The following DENND1B variants were observed in gnomAD, a reference collection of about 807,000 sequenced individuals.
The protein encoded by DENND1B is DENN domain-containing protein 1B.
DENND1B carries 59 observed loss-of-function variants against 90.1 expected under a neutral mutation model. The ratio of observed to expected loss-of-function variants is 0.65; its 90% CI spans 0.53 to 0.81. The LOEUF (loss-of-function observed/expected upper bound fraction) is 0.81. Ranked by LOEUF, DENND1B falls within the 40% of genes least tolerant of loss-of-function variation. The probability of loss-of-function intolerance (pLI) is 0.00; values close to 1 mark genes in which losing one functional copy is unlikely to be tolerated. For missense variants in DENND1B, 862 were observed against 912.6 expected (o/e 0.94, Z 0.71); for synonymous variants, 337 against 324.6 (o/e 1.04, Z -0.41).
intron 15 of DENND1B, among the ~76,000 whole-genome samples, chr1:197,565,744 G>T (rs1672593400): frequency 6.7e-6 from 1 of 149,838 alleles, no homozygotes; most frequent in African/African-American, 2.5e-5. Flanking sequence ...GCAGTGTTTG[G>T]TTTTTTGTTC....
At chr1:197,720,776 T>G (rs182015682) in intron 2 of DENND1B, among the ~76,000 whole-genome samples, 1 of 152,226 alleles carries the variant, frequency 6.6e-6, no homozygotes, top group East Asian at 1.9e-4. Context: ...CAAAAAAGAA[T>G]AGTATGATAG....
chr1:197,772,902 C>T lies in DENND1B; in HGVS notation c.48G>A (p.Val16=), dbSNP rs1443243278. 3 of 1,551,980 alleles carry T rather than the reference C, an allele frequency of 1.9e-6. No homozygotes were observed. Among genetic ancestry groups the T allele is most frequent in the Non-Finnish European group, 2.6e-6 (3 of 1,147,016 alleles). The change falls in exon 2 of 23, where the codon GTG becomes GTA. Residue 16 remains valine (V), a synonymous_variant. Transcript: ENST00000620048. ...KANPDRTFDL[V]LKVKCHASEN... is the part of the protein sequence containing the mutation. ...CAGAGGCATGACATTTCACTTTCAACACCAAGTCAAAGGTTCTGTCTGGAT... is the reference window on the plus strand; with the variant it reads ...CAGAGGCATGACATTTCACTTTCAATACCAAGTCAAAGGTTCTGTCTGGAT...
At chr1:197,699,893 C>T (rs1409409801) in intron 3 of DENND1B, among the ~76,000 whole-genome samples, 1 of 152,048 alleles carries the variant, frequency 6.6e-6, no homozygotes, top group Non-Finnish European at 1.5e-5. Context: ...CTCAGGAATA[C>T]AGCTAACAAG....
intron 20 of DENND1B, among the ~76,000 whole-genome samples, chr1:197,515,007 T>C (rs1313174791): frequency 1.3e-5 from 2 of 151,654 alleles, no homozygotes; most frequent in African/African-American, 2.4e-5. Flanking sequence ...AAACTTGAAT[T>C]TGGAGACTTC....
upstream of DENND1B, among the ~76,000 whole-genome samples, chr1:197,777,780 T>C (rs1464094495): frequency 6.6e-6 from 1 of 152,168 alleles, no homozygotes; most frequent in African/African-American, 2.4e-5. Flanking sequence ...ATGGTCTTTA[T>C]TTATTAATTA....
At chr1:197,600,175 GGACTA>G (rs917236121) in intron 13 of DENND1B, among the ~76,000 whole-genome samples, 1 of 151,728 alleles carries the variant, frequency 6.6e-6, no homozygotes, top group Non-Finnish European at 1.5e-5. Flanking sequence ...CTGAGAGTGC[GGACTA>G]GTAAAAATGG....
intron 10 of DENND1B, among the ~76,000 whole-genome samples, chr1:197,620,829 AAAC>A (rs1678092445): frequency 6.6e-6 from 1 of 151,444 alleles, no homozygotes; most frequent in Admixed American, 6.6e-5. Context: ...TGGAGAAAGC[AAAC>A]AATAAACAAG....
chr1:197,656,804 C>CA (rs1352696164), intron 6 of DENND1B, among the ~76,000 whole-genome samples: 2 of 142,218 alleles, frequency 1.4e-5, no homozygotes, highest in South Asian at 2.2e-4. Context: ...ACTCTGTCTC[C>CA]AAAAAAAATT....
chr1:197,637,324 G>C (rs925603943), intron 10 of DENND1B, among the ~76,000 whole-genome samples: 4 of 152,030 alleles, frequency 2.6e-5, no homozygotes, highest in African/African-American at 7.2e-5. Context: ...CAGAGCCTAG[G>C]GGAATGACAA....
chr1:197,673,817 AT>A (rs886447450), intron 4 of DENND1B, among the ~76,000 whole-genome samples: 8 of 152,078 alleles, frequency 5.3e-5, no homozygotes, highest in African/African-American at 1.9e-4. Context: ...TCATATTAGT[AT>A]TTTTTTCCAC....
intron 2 of DENND1B, among the ~76,000 whole-genome samples, chr1:197,746,299 G>A (rs1663741234): frequency 6.6e-6 from 1 of 152,184 alleles, no homozygotes. Flanking sequence ...GGAGGCTGAG[G>A]CATGAGAATC....
chr1:197,535,173 A>G (rs1669786048), intron 20 of DENND1B, among the ~76,000 whole-genome samples: 1 of 152,228 alleles, frequency 6.6e-6, no homozygotes, highest in African/African-American at 2.4e-5. Context: ...AGAGAAGGCA[A>G]CATCAATCCA....
intron 20 of DENND1B, among the ~76,000 whole-genome samples, chr1:197,526,641 G>T (rs1049620775): frequency 1.3e-5 from 2 of 151,936 alleles, no homozygotes; most frequent in African/African-American, 4.8e-5. Flanking sequence ...ACAACATTAA[G>T]GTACATGTCA....
intron 5 of DENND1B, among the ~76,000 whole-genome samples, chr1:197,671,684 T>C (rs1032307910): frequency 2.0e-5 from 3 of 152,128 alleles, no homozygotes; most frequent in Admixed American, 2.0e-4. Context: ...CTTTTAAAAA[T>C]CCAAGTTCTG....
chr1:197,741,081 T>C (rs1283065947), intron 2 of DENND1B, among the ~76,000 whole-genome samples: 1 of 152,164 alleles, frequency 6.6e-6, no homozygotes, highest in Non-Finnish European at 1.5e-5. Flanking sequence ...AAAAGACTAT[T>C]TTCTGGAATT....
chr1:197,763,238 T>C (rs1014929418), intron 2 of DENND1B, among the ~76,000 whole-genome samples: 1 of 152,190 alleles, frequency 6.6e-6, no homozygotes, highest in Non-Finnish European at 1.5e-5. Context: ...TGGAGCCCAG[T>C]TCAAGGCTGC....
At chr1:197,564,821 T>A (rs1207613825) in intron 15 of DENND1B, among the ~76,000 whole-genome samples, 2 of 151,954 alleles carry the variant, frequency 1.3e-5, no homozygotes, top group African/African-American at 2.4e-5. Flanking sequence ...TCCAGGTAAG[T>A]CAGTCTTACC....
intron 2 of DENND1B, among the ~76,000 whole-genome samples, chr1:197,728,556 C>T (rs541261175): frequency 2.0e-5 from 3 of 152,158 alleles, no homozygotes; most frequent in Non-Finnish European, 4.4e-5. Flanking sequence ...TCAGCCTTCA[C>T]ACGCCTTCAT....
chr1:197,591,017 T>C (rs1675153920), intron 14 of DENND1B, among the ~76,000 whole-genome samples: 1 of 152,214 alleles, frequency 6.6e-6, no homozygotes, highest in Non-Finnish European at 1.5e-5. Flanking sequence ...ACTCTCCTGA[T>C]TGAAGGTCAT....
Sources: allele counts gnomAD v4.1 joint callset (sites outside exome capture counted in the v4.1 genomes callset), GRCh38; gene constraint gnomAD v4.1.1; transcripts MANE v1.5; gene names NCBI Gene and HGNC (gene_info 2026-07-23, HGNC 2026-07-21).